NKAIN2: variants seen among roughly 807,000 people sequenced by gnomAD.
The protein encoded by NKAIN2 is sodium/potassium-transporting ATPase subunit beta-1-interacting protein 2.
Under a neutral mutation model 32.6 loss-of-function variants are expected in NKAIN2, and 14 were observed. The observed-to-expected ratio is 0.43, with a 90% CI of 0.28 to 0.67. The LOEUF (loss-of-function observed/expected upper bound fraction) is 0.67. NKAIN2 is among the 30% of genes least tolerant of loss of function. The probability of loss-of-function intolerance (pLI) is 0.17; values close to 1 mark genes in which losing one functional copy is unlikely to be tolerated. For missense variants in NKAIN2, 198 were observed against 258.3 expected (o/e 0.77, Z 1.60); for synonymous variants, 80 against 87.2 (o/e 0.92, Z 0.46).
intron 3 of NKAIN2, among the ~76,000 whole-genome samples, chr6:124,385,893 GATAAAA>G (rs146607898): frequency 0.031 from 4,731 of 151,994 alleles, 215 homozygotes; most frequent in African/African-American, 0.11. Flanking sequence ...AGAACAAAAA[GATAAAA>G]ATAAAAAATA....
chr6:123,852,740 C>T (rs2114961183), intron 1 of NKAIN2, among the ~76,000 whole-genome samples: 1 of 152,222 alleles, frequency 6.6e-6, no homozygotes, highest in Non-Finnish European at 1.5e-5. Context: ...GTAAAATAGG[C>T]CAGGCACAGA....
chr6:124,066,358 T>TTTG (rs1783176400), intron 1 of NKAIN2, among the ~76,000 whole-genome samples: 1 of 152,144 alleles, frequency 6.6e-6, no homozygotes, highest in Non-Finnish European at 1.5e-5. Context: ...TCCTCTGCCA[T>TTTG]TTGTTGTGTC....
At chr6:124,375,377 C>CTATA (rs918498759) in intron 3 of NKAIN2, among the ~76,000 whole-genome samples, 82 of 144,292 alleles carry the variant, frequency 5.7e-4, no homozygotes, top group African/African-American at 2.0e-3. Flanking sequence ...TAGGTACTCA[C>CTATA]TATATATATA....
intron 4 of NKAIN2, among the ~76,000 whole-genome samples, chr6:124,726,506 A>G (rs1776321639): frequency 6.6e-6 from 1 of 150,880 alleles, no homozygotes; most frequent in Non-Finnish European, 1.5e-5. Flanking sequence ...TCCTGCTGTT[A>G]GAAGGAAAAC....
Position 124,083,080 on chromosome 6 carries a change from C to CT in NKAIN2, c.55-199920dup, listed in dbSNP as rs1479367656. ...CTTGTAAATTCACATCCTCATATGC[C>CT]TTTTTATGAGACTTTATACGTATAC... is the stretch of plus-strand genomic sequence containing the variant. On this transcript the variant is annotated intron_variant, in intron 1 of 6. Coordinates refer to ENST00000368417, the MANE Select transcript of NKAIN2 (RefSeq NM_001040214.3). Among the ~76,000 whole-genome samples the CT allele has an allele frequency of 4.0e-5, 6 of 151,568 alleles. No homozygotes were observed. The East Asian group carries it at 1.2e-3, about 29-fold the overall frequency.
intron 1 of NKAIN2, among the ~76,000 whole-genome samples, chr6:123,885,592 A>G (rs1386377204): frequency 2.6e-5 from 4 of 152,078 alleles, no homozygotes; most frequent in African/African-American, 9.7e-5. Context: ...ATGGAGTTTT[A>G]AGAGCAGTTA....
chr6:124,309,545 T>G (rs2114996615), intron 2 of NKAIN2, among the ~76,000 whole-genome samples: 1 of 152,290 alleles, frequency 6.6e-6, no homozygotes, highest in East Asian at 1.9e-4. Context: ...TCTATAATAT[T>G]GACAGCTTAA....
chr6:124,675,908 T>G (rs1358704109), intron 4 of NKAIN2, among the ~76,000 whole-genome samples: 1 of 151,988 alleles, frequency 6.6e-6, no homozygotes, highest in Non-Finnish European at 1.5e-5. Flanking sequence ...TTCTTTGAGT[T>G]GTAAAGTTAC....
intron 1 of NKAIN2, among the ~76,000 whole-genome samples, chr6:124,227,265 A>G (rs1792169632): frequency 6.6e-6 from 1 of 152,076 alleles, no homozygotes; most frequent in Admixed American, 6.6e-5. Flanking sequence ...CATGTGGATT[A>G]TGGACTGACT....
intron 4 of NKAIN2, among the ~76,000 whole-genome samples, chr6:124,742,739 C>T (rs1777279095): frequency 6.6e-6 from 1 of 151,734 alleles, no homozygotes; most frequent in African/African-American, 2.4e-5. Flanking sequence ...CACTGTGGAT[C>T]CCAGGTGAGT....
chr6:124,809,379 G>A (rs1187054094), intron 5 of NKAIN2, among the ~76,000 whole-genome samples: 1 of 148,746 alleles, frequency 6.7e-6, no homozygotes, highest in African/African-American at 2.5e-5. Context: ...ACAAGCAATG[G>A]GGAAAGGATT....
chr6:124,493,664 T>C (rs1359541627), intron 3 of NKAIN2, among the ~76,000 whole-genome samples: 1 of 147,582 alleles, frequency 6.8e-6, no homozygotes, highest in African/African-American at 2.5e-5. Context: ...CTCTCCACTG[T>C]ATACTGTCTT....
At chr6:124,416,223 C>T (rs1183418768) in intron 3 of NKAIN2, among the ~76,000 whole-genome samples, 2 of 152,088 alleles carry the variant, frequency 1.3e-5, no homozygotes, top group Non-Finnish European at 2.9e-5. Context: ...TTTCTTTGTA[C>T]TTCAAATAAT....
intron 1 of NKAIN2, among the ~76,000 whole-genome samples, chr6:124,249,091 A>G (rs958532090): frequency 2.6e-5 from 4 of 152,142 alleles, no homozygotes; most frequent in Admixed American, 2.0e-4. Context: ...TTTAAAAAGG[A>G]TATATTTAAA....
In NKAIN2 at chr6:124,798,851, A is replaced by C. The variant is rs2114825887; in HGVS notation, c.535+7452A>C. On this transcript the variant is annotated intron_variant, in intron 5 of 6. Coordinates refer to ENST00000368417, the MANE Select transcript of NKAIN2 (RefSeq NM_001040214.3). ...ACACTGATTCACTCAGGATGGAAGAATAGTAGGAGACACCATCAAGATCCA... is the reference window on the plus strand; with the variant it reads ...ACACTGATTCACTCAGGATGGAAGACTAGTAGGAGACACCATCAAGATCCA... 2.0e-5 allele frequency among the ~76,000 whole-genome samples: 3 copies of C among 152,276 alleles called. No homozygotes were observed. The East Asian group carries it at 5.8e-4, about 29-fold the overall frequency.
intron 3 of NKAIN2, among the ~76,000 whole-genome samples, chr6:124,482,250 G>A (rs1777483155): frequency 6.6e-6 from 1 of 152,134 alleles, no homozygotes; most frequent in South Asian, 2.1e-4. Flanking sequence ...GAGCCTAATT[G>A]AAACTGATTG....
chr6:124,430,108 A>T (rs1057441500), intron 3 of NKAIN2, among the ~76,000 whole-genome samples: 5 of 152,228 alleles, frequency 3.3e-5, no homozygotes, highest in Non-Finnish European at 7.3e-5. Context: ...TAAATTGCCA[A>T]GTGCAATTAT....
intron 3 of NKAIN2, among the ~76,000 whole-genome samples, chr6:124,562,982 G>A (rs910143545): frequency 3.4e-5 from 5 of 148,550 alleles, no homozygotes; most frequent in African/African-American, 1.0e-4. Flanking sequence ...TCAGCTCACT[G>A]CAAAATCCGC....
At chr6:123,957,045 G>A (rs939741838) in intron 1 of NKAIN2, among the ~76,000 whole-genome samples, 2 of 152,188 alleles carry the variant, frequency 1.3e-5, no homozygotes, top group East Asian at 1.9e-4. Context: ...GTACCCATTA[G>A]TTATTTCTCC....
Sources: gnomAD v4.1 joint callset for allele counts (sites outside exome capture counted in the v4.1 genomes callset) on GRCh38, gnomAD v4.1.1 for gene constraint, MANE v1.5 for transcripts, NCBI Gene and HGNC (gene_info 2026-07-23, HGNC 2026-07-21) for gene names.